Variants in ARHGEF37 observed in about 807,000 individuals in gnomAD.
ARHGEF37 encodes Rho guanine nucleotide exchange factor 37.
In ARHGEF37, 55 loss-of-function variants were observed where a neutral mutation model predicts 71.1. That is an observed-to-expected ratio of 0.77 (90% CI 0.62 to 0.97). The LOEUF (loss-of-function observed/expected upper bound fraction) is 0.97. Among genes scored for constraint, ARHGEF37 ranks in the 50% least tolerant of loss-of-function variants. ARHGEF37 has a pLI of 0.00. For synonymous variants in ARHGEF37, 327 were observed against 350.6 expected, an observed-to-expected ratio of 0.93 and a Z score of 0.75; for missense variants, 765 against 836.8, an observed-to-expected ratio of 0.91 and a Z score of 1.06.
At position 149,618,927 on chromosome 5, in the gene ARHGEF37, A is replaced by T; in HGVS notation, c.790-11A>T. On this transcript the variant is annotated splice_polypyrimidine_tract_variant and intron_variant, in intron 6 of 12. Coordinates refer to ENST00000333677, the MANE Select transcript of ARHGEF37 (RefSeq NM_001001669.3). ...GTGGATATTCTCAACCCTCACACAC[A>T]TTACTTTCAGACAGAAGACAAGGAA... is the stretch of plus-strand genomic sequence containing the variant. 1 of 1,608,050 alleles carries T rather than the reference A, an allele frequency of 6.2e-7. No homozygotes were observed. Among genetic ancestry groups the T allele is most frequent in the Non-Finnish European group, 8.5e-7 (1 of 1,174,488 alleles).
intron 1 of ARHGEF37, among the ~76,000 whole-genome samples, chr5:149,569,126 GTTTATCC>G (rs1312882908): frequency 2.0e-5 from 3 of 151,858 alleles, no homozygotes; most frequent in Non-Finnish European, 2.9e-5. Context: ...ATGTGACACA[GTTTATCC>G]TTTATACTGT....
In ARHGEF37 at chr5:149,553,311, A is replaced by C. The variant is rs186651771; in HGVS notation, c.-12+1188A>C. 5.1e-4 allele frequency among the ~76,000 whole-genome samples: 78 copies of C among 152,206 alleles called. 1 individual carries two copies. In the East Asian group the frequency reaches 0.01, roughly 20 times the overall value. On this transcript the variant is annotated intron_variant, in intron 1 of 2. Transcript: ENST00000505810. ...GCTACTAGGGAGGCTGAGGCAGGAG[A>C]ATCGCTTGAACCTGGGAGGCAGAGG...
chr5:149,606,217 C>G (rs1487827074), intron 3 of ARHGEF37, among the ~76,000 whole-genome samples: 4 of 152,218 alleles, frequency 2.6e-5, no homozygotes, highest in Admixed American at 2.0e-4. Context: ...CAAGCTATCT[C>G]TTAGCCAGGC....
chr5:149,603,023 C>G (rs1443334088), intron 3 of ARHGEF37, among the ~76,000 whole-genome samples: 1 of 152,042 alleles, frequency 6.6e-6, no homozygotes, highest in Admixed American at 6.5e-5. Flanking sequence ...ACCTCTGCCT[C>G]CTAGGTTCAA....
intron 1 of ARHGEF37, among the ~76,000 whole-genome samples, chr5:149,558,282 C>T (rs1160361581): frequency 3.3e-5 from 5 of 151,960 alleles, no homozygotes; most frequent in East Asian, 1.9e-4. Flanking sequence ...CTGAGGCGGG[C>T]GGATCACGAG....
rs185317567 is a variant in ARHGEF37 at position 149,570,688 on chromosome 5, C to T, written c.-12+18565C>T. ...GTCAGGAGTTCAAGACCACCCTGGC[C>T]AATATGGTGAAACCCCGTCTCTACT... is the stretch of plus-strand genomic sequence containing the variant. On this transcript the variant is annotated intron_variant, in intron 1 of 2. Transcript: ENST00000505810. 2.0e-5 allele frequency among the ~76,000 whole-genome samples: 3 copies of T among 151,224 alleles called. No individual in the cohort carries two copies. The Admixed American group carries it at 2.0e-4, about 10-fold the overall frequency.
chr5:149,582,112 G>A (rs1167150573), intron 1 of ARHGEF37, among the ~76,000 whole-genome samples: 1 of 152,200 alleles, frequency 6.6e-6, no homozygotes, highest in African/African-American at 2.4e-5. Flanking sequence ...CAGAAAAGTC[G>A]TGCCAAAGCT....
intron 1 of ARHGEF37, among the ~76,000 whole-genome samples, chr5:149,564,942 G>C (rs1007686790): frequency 4.6e-5 from 7 of 152,226 alleles, no homozygotes; most frequent in Admixed American, 4.6e-4. Context: ...CTGCCATCTT[G>C]AGGATATGAT....
At chr5:149,620,518 C>A in intron 8 of ARHGEF37, 54 bp downstream of exon 8, 1 of 1,423,222 alleles carries the variant, frequency 7.0e-7, no homozygotes, top group South Asian at 1.2e-5. Flanking sequence ...GTAGAGCTTA[C>A]AAGAATAATA....
chr5:149,552,218 C>CAAAA lies in ARHGEF37; in HGVS notation c.-12+118_-12+121dup, dbSNP rs58298279. The CAAAA allele has an allele frequency of 1.6e-4, 12 of 72,744 alleles. No homozygotes were observed. The East Asian group carries it at 2.8e-3, about 17-fold the overall frequency. 4.5% of individuals were successfully genotyped at this position (72,744 alleles called of 1,614,324 possible). A position where few individuals can be genotyped will look rare whatever the true frequency, so the allele number is the denominator to read the frequency against. ...AACTGTTATGTCCCCTCAACCCCAC[C>CAAAA]AAAAAAAAAAAAAAAAAAAAAAAAA... On this transcript the variant is annotated intron_variant, in intron 1 of 2. Transcript: ENST00000505810.
intron 1 of ARHGEF37, among the ~76,000 whole-genome samples, chr5:149,581,859 C>T (rs1449506124): frequency 6.6e-6 from 1 of 152,188 alleles, no homozygotes; most frequent in Non-Finnish European, 1.5e-5. Flanking sequence ...AACTGAGGCC[C>T]AGGGAGGTTA....
intron 2 of ARHGEF37, 30 bp downstream of exon 2, chr5:149,597,985 C>A: frequency 1.3e-6 from 2 of 1,527,402 alleles, no homozygotes; most frequent in South Asian, 1.3e-5. Flanking sequence ...CACAACCTGT[C>A]TTTATAGGGG....
At chr5:149,557,681 T>C (rs750689632) in intron 1 of ARHGEF37, among the ~76,000 whole-genome samples, 1 of 151,982 alleles carries the variant, frequency 6.6e-6, no homozygotes, top group Non-Finnish European at 1.5e-5. Context: ...CCAGGAGGAG[T>C]TGCTTTAGCT....
intron 12 of ARHGEF37, among the ~76,000 whole-genome samples, chr5:149,631,241 G>A (rs999429365): frequency 1.4e-5 from 2 of 146,908 alleles, no homozygotes; most frequent in Admixed American, 1.4e-4. Flanking sequence ...CCATGATCTC[G>A]GCTTACTGCA....
At chr5:149,598,991 G>A (rs1365501249) in intron 2 of ARHGEF37, among the ~76,000 whole-genome samples, 1 of 152,066 alleles carries the variant, frequency 6.6e-6, no homozygotes, top group Non-Finnish European at 1.5e-5. Context: ...GTGCAGTGCT[G>A]AGCTGGTGTG....
In ARHGEF37 at chr5:149,567,771, C is replaced by A. The variant is rs188688286; in HGVS notation, c.-12+15648C>A. Among the ~76,000 whole-genome samples, 11 of 152,230 alleles carry A rather than the reference C, an allele frequency of 7.2e-5. No homozygotes were observed. In the East Asian group the frequency reaches 1.9e-3, roughly 27 times the overall value. On this transcript the variant is annotated intron_variant, in intron 1 of 2. Coordinates refer to the ARHGEF37 transcript ENST00000505810. ...CCTTAATTCTTTGACACTTTCTTTT[C>A]GGCATAAATTGTTTCAGGCCCTTCT...
intron 1 of ARHGEF37, among the ~76,000 whole-genome samples, chr5:149,591,972 C>T (rs903510560): frequency 2.0e-5 from 3 of 152,100 alleles, no homozygotes; most frequent in South Asian, 2.1e-4. Context: ...CATTGTAAGT[C>T]GAAGAGCATC....
At chr5:149,624,938 G>T (rs10476741) in intron 10 of ARHGEF37, among the ~76,000 whole-genome samples, 22,620 of 134,822 alleles carry the variant, frequency 0.17, 1,843 homozygotes, top group Middle Eastern at 0.35. Context: ...TCACACTGTC[G>T]CCCAGGGTGG....
At chr5:149,561,516 C>T (rs1212303890) in intron 1 of ARHGEF37, among the ~76,000 whole-genome samples, 1 of 152,168 alleles carries the variant, frequency 6.6e-6, no homozygotes, top group African/African-American at 2.4e-5. Flanking sequence ...CTGCAATGAA[C>T]ACTCTGCAGT....
Sources: gnomAD v4.1 joint callset for allele counts (sites outside exome capture counted in the v4.1 genomes callset) on GRCh38, gnomAD v4.1.1 for gene constraint, MANE v1.5 for transcripts, NCBI Gene and HGNC (gene_info 2026-07-23, HGNC 2026-07-21) for gene names.